The following GTF3C1 variants were observed in gnomAD, a reference collection of about 807,000 sequenced individuals.
GTF3C1 encodes general transcription factor 3C polypeptide 1.
Under a neutral mutation model 226.7 loss-of-function variants are expected in GTF3C1, and 57 were observed. The observed-to-expected ratio is 0.25, with a 90% CI of 0.20 to 0.31. GTF3C1 has a LOEUF of 0.31. Among genes scored for constraint, GTF3C1 ranks in the 10% least tolerant of loss-of-function variants. The probability of loss-of-function intolerance (pLI) is 1.00; values close to 1 mark genes in which losing one functional copy is unlikely to be tolerated. For synonymous variants in GTF3C1, 1,090 were observed against 1,084.8 expected (o/e 1.00, Z -0.09); for missense variants, 2,217 against 2,776.1 (o/e 0.80, Z 4.53).
chr16:27,488,655 C>T lies in GTF3C1; in HGVS notation c.3430-20G>A, dbSNP rs369968877. The T allele has an allele frequency of 1.3e-6, 2 of 1,587,476 alleles. No individual in the cohort carries two copies. Among genetic ancestry groups the T allele is most frequent in the Non-Finnish European group, 1.7e-6 (2 of 1,158,464 alleles). ...GTTCTCCTGTGAGACAAGCACAGCA[C>T]TGGGATGAAGCATGAGCTTCCACAA... On this transcript the variant is annotated intron_variant, in intron 21 of 36. Coordinates refer to ENST00000356183, the MANE Select transcript of GTF3C1 (RefSeq NM_001520.4).
At chr16:27,526,949 T>G (rs186277996) in intron 6 of GTF3C1, among the ~76,000 whole-genome samples, 2 of 152,350 alleles carry the variant, frequency 1.3e-5, no homozygotes, top group African/African-American at 4.8e-5. Flanking sequence ...CTCACGCCTA[T>G]AATCCCAGCA....
In GTF3C1 at chr16:27,481,084, G is replaced by A. The variant is rs752121848; in HGVS notation, c.4191C>T (p.Phe1397=). 8 of 1,613,772 alleles carry A rather than the reference G, an allele frequency of 5.0e-6. No individual in the cohort carries two copies. The highest frequency in any genetic ancestry group is 4.5e-5 in the East Asian group (2 of 44,884). ...CCATCCCAGAAACGGCTTACCTGGC[G>A]AACAGCTCCTGGAGTGTGTCTGGGA... is the stretch of plus-strand genomic sequence containing the variant. The part of the protein sequence containing the change: ...LEIPDTLQEL[F]ARYRVLAIGD... The change falls in exon 27 of 37, where the codon TTC becomes TTT. Residue 1397 remains phenylalanine, a synonymous_variant. Coordinates refer to ENST00000356183, the MANE Select transcript of GTF3C1 (RefSeq NM_001520.4).
intron 4 of GTF3C1, among the ~76,000 whole-genome samples, chr16:27,535,674 G>A (rs1043770923): frequency 6.6e-6 from 1 of 151,522 alleles, no homozygotes; most frequent in Non-Finnish European, 1.5e-5. Flanking sequence ...GATCTCTTCT[G>A]AGGTCGGGAG....
rs1265785215 is a variant in GTF3C1, at chr16:27,506,871, G to A, written c.1528C>T (p.Pro510Ser). ...ASANLRPKTQPHHSTPTKGGW... is the reference protein window; with the variant it reads ...ASANLRPKTQSHHSTPTKGGW... ...CCCTTGGTTGGGGTGGAGTGATGAG[G>A]CTGGGTCTTGGGCCGGAGGTTTGCA... Residue 510 changes from proline to serine, a missense_variant, in exon 9 of 37, where the codon CCT becomes TCT. Transcript: ENST00000356183. The A allele has an allele frequency of 1.2e-6, 2 of 1,611,768 alleles. No individual in the cohort carries two copies. The highest frequency in any genetic ancestry group is 1.7e-6 in the Non-Finnish European group (2 of 1,179,414).
Position 27,486,090 on chromosome 16 carries a change from C to T in GTF3C1, c.3765G>A (p.Leu1255=), listed in dbSNP as rs772283340. The change falls in exon 24 of 37, where the codon CTG becomes CTA. Residue 1255 remains leucine, a synonymous_variant. Coordinates refer to ENST00000356183, the MANE Select transcript of GTF3C1 (RefSeq NM_001520.4). ...RYHDEADQSA[L]QRMTRLRVTW... is the part of the protein sequence containing the mutation. Reference sequence around the variant, plus strand: ...TGACACGAAGCCGCGTCATCCGCTGCAGGGCACTCTGGTCGGCTTCATCAT... The same window carrying T: ...TGACACGAAGCCGCGTCATCCGCTGTAGGGCACTCTGGTCGGCTTCATCAT... The T allele has an allele frequency of 6.2e-7, 1 of 1,607,350 alleles. No homozygotes were observed. Among genetic ancestry groups the T allele is most frequent in the Non-Finnish European group, 8.5e-7 (1 of 1,173,918 alleles).
chr16:27,462,547 A>G lies in GTF3C1; in HGVS notation c.5925-61T>C. The G allele has an allele frequency of 1.5e-6, 2 of 1,325,758 alleles. No homozygotes were observed. Among genetic ancestry groups the G allele is most frequent in the Non-Finnish European group, 2.1e-6 (2 of 931,174 alleles). The allele number at this position is 1,325,758 out of a possible 1,614,324, so 82.1% of individuals were successfully genotyped here. On this transcript the variant is annotated intron_variant, in intron 35 of 36. Coordinates refer to ENST00000356183, the MANE Select transcript of GTF3C1 (RefSeq NM_001520.4). This position sits in a 1 kb window ranked among gnomAD's most constrained non-coding sequence, Gnocchi z 4.5. ...GGGCAGGAGGGCAGCTCGTCCAGAC[A>G]GAACACTGAGGCTCAGGGGCGTCCT...
At position 27,510,318 on chromosome 16, in the gene GTF3C1, G is replaced by A. The variant is rs373062814; in HGVS notation, c.1126+1431C>T. Among the ~76,000 whole-genome samples, 90 of 152,096 alleles carry A rather than the reference G, an allele frequency of 5.9e-4. No homozygotes were observed. The Middle Eastern group carries it at 0.017, about 29-fold the overall frequency. On this transcript the variant is annotated intron_variant, in intron 7 of 36. Transcript: ENST00000356183. ...GGAGAATGGCGTGAACCCAGGAGGC[G>A]GAGCTTGCAGTGAGCCAAGATCGCA...
intron 6 of GTF3C1, among the ~76,000 whole-genome samples, chr16:27,525,657 C>T (rs942836031): frequency 6.6e-6 from 1 of 152,216 alleles, no homozygotes; most frequent in African/African-American, 2.4e-5. Flanking sequence ...GCCTGCCTAC[C>T]TTCTGCAGGG....
intron 6 of GTF3C1, among the ~76,000 whole-genome samples, chr16:27,513,363 A>C (rs2088606383): frequency 1.3e-5 from 2 of 152,184 alleles, no homozygotes; most frequent in Non-Finnish European, 2.9e-5. Context: ...CTGAAGTGAG[A>C]GGATTGCTTG....
At position 27,514,991 on chromosome 16, in the gene GTF3C1, C is replaced by T. The variant is rs60724546; in HGVS notation, c.974-3090G>A. On this transcript the variant is annotated intron_variant, in intron 6 of 36. Transcript: ENST00000356183. ...GAGGCGCCCTCAGCCAGTGGCCCAG[C>T]GCTATTTCTTCTCCTTTTAAGCTTC... Among the ~76,000 whole-genome samples, 251 of 152,292 alleles carry T rather than the reference C, an allele frequency of 1.6e-3. 1 individual carries two copies. Among genetic ancestry groups the T allele is most frequent in the African/African-American group, 5.7e-3 (235 of 41,550 alleles).
intron 27 of GTF3C1, chr16:27,480,757 T>C: frequency 3.4e-6 from 1 of 291,434 alleles, no homozygotes; most frequent in Non-Finnish European, 6.5e-6. Flanking sequence ...GCCCTGGTAC[T>C]TACAAGCACT....
intron 6 of GTF3C1, among the ~76,000 whole-genome samples, chr16:27,519,519 C>T (rs2088713032): frequency 6.6e-6 from 1 of 152,160 alleles, no homozygotes; most frequent in South Asian, 2.1e-4. Context: ...CAAGCACTCA[C>T]CTACCCAACT....
rs76121489 is a variant in GTF3C1, at chr16:27,495,273, G to A, written c.2570C>T (p.Pro857Leu). 7.1e-4 allele frequency: 1,138 copies of A among 1,613,318 alleles called. 16 individuals are homozygous for A. In the East Asian group the frequency reaches 0.022, roughly 31 times the overall value. ...GACACCATCTTGGCTGCCTTTAGAT[G>A]GGGCTTCAGAGCAGGCCTCCCAGGC... ...GSAWEACSEA[P>L]SKGSQDGVTW... Residue 857 changes from proline to leucine, a missense_variant, in exon 15 of 37, where the codon CCA (proline) becomes CTA (leucine). Physicochemically the swap from Pro to Leu is moderately conservative, Grantham distance 98. Coordinates refer to ENST00000356183, the MANE Select transcript of GTF3C1 (RefSeq NM_001520.4).
In GTF3C1 at chr16:27,549,844, A is replaced by G. The variant is rs1257278703; in HGVS notation, c.47T>C (p.Leu16Pro). 3.7e-6 allele frequency: 6 copies of G among 1,613,034 alleles called. No homozygotes were observed. The highest frequency in any genetic ancestry group is 5.1e-6 in the Non-Finnish European group (6 of 1,179,818). ...CAGCGCTGGCAGACACAGGCCATCG[A>G]GCCCCTCCAGAGCGACTTCGTCCAA... Reference protein sequence around the residue: ...SLLDEVALEGLDGLCLPALWS... With the variant: ...SLLDEVALEGPDGLCLPALWS... The change falls in exon 1 of 37, where the codon CTC becomes CCC. Residue 16 changes from leucine (L) to proline (P), a missense_variant. Transcript: ENST00000356183.
In GTF3C1 at chr16:27,493,270, G is replaced by A. The variant is rs758426371; in HGVS notation, c.2805C>T (p.Asn935=). 1.2e-5 allele frequency: 20 copies of A among 1,608,416 alleles called. No individual in the cohort carries two copies. The highest frequency in any genetic ancestry group is 1.2e-4 in the Admixed American group (7 of 60,000). ...TCAGCGTGTGCTTCTTCAGCGGGTC[G>A]TTCAGAAATTCCTCCAGGTTGTCCA... ...YKVDNLEEFL[N]DPLKKHTLIR... Residue 935 remains asparagine (N), a synonymous_variant, in exon 17 of 37, where the codon AAC becomes AAT. Coordinates refer to ENST00000356183, the MANE Select transcript of GTF3C1 (RefSeq NM_001520.4).
chr16:27,496,549 A>G (rs1322540004), intron 14 of GTF3C1, among the ~76,000 whole-genome samples: 1 of 152,118 alleles, frequency 6.6e-6, no homozygotes, highest in Non-Finnish European at 1.5e-5. Context: ...AGTGGCTGGG[A>G]CTGTAGGCAC....
At position 27,506,967 on chromosome 16, in the gene GTF3C1, A is replaced by G; in HGVS notation, c.1432T>C (p.Ser478Pro). 6.2e-7 allele frequency: 1 copy of G among 1,611,556 alleles called. No homozygotes were observed. The highest frequency in any genetic ancestry group is 8.5e-7 in the Non-Finnish European group (1 of 1,179,098). Residue 478 changes from serine to proline, a missense_variant, in exon 9 of 37, where the codon TCG (serine) becomes CCG (proline). Physicochemically the swap from Ser to Pro is moderately conservative, Grantham distance 74. This residue lies in a region of GTF3C1 where 173 missense variants were observed against 207.2 expected (regional missense o/e 0.83). Coordinates refer to ENST00000356183, the MANE Select transcript of GTF3C1 (RefSeq NM_001520.4). ...CTGCTCCTCTCCTCCTCACTGTCCG[A>G]CTCAGAGAGGAAGGTGTCCTCGCCT... ...PEGEDTFLSESDSEEERSSSK... is the reference protein window; with the variant it reads ...PEGEDTFLSEPDSEEERSSSK...
rs2087868925 is a variant in GTF3C1 at position 27,471,495 on chromosome 16, C to T, written c.4526+253G>A. The T allele has an allele frequency of 6.3e-6, 3 of 476,074 alleles. No individual in the cohort carries two copies. Among genetic ancestry groups the T allele is most frequent in the East Asian group, 7.1e-5 (2 of 28,054 alleles). 29.5% of individuals were successfully genotyped at this position (476,074 alleles called of 1,614,324 possible). A position where few individuals can be genotyped will look rare whatever the true frequency, so the allele number is the denominator to read the frequency against. ...TGCAAACTGATTTCACTCCATCTGACGAGAGAAACGGAAACAAACCACCTG... is the reference window on the plus strand; with the variant it reads ...TGCAAACTGATTTCACTCCATCTGATGAGAGAAACGGAAACAAACCACCTG... On this transcript the variant is annotated intron_variant, in intron 30 of 36. Transcript: ENST00000356183. The surrounding 1 kb of genome is among the most constrained non-coding windows in gnomAD (Gnocchi z 5.0).
chr16:27,506,095 A>G lies in GTF3C1; in HGVS notation c.1574T>C (p.Leu525Pro). Residue 525 changes from leucine (L) to proline (P), a missense_variant, in exon 10 of 37, where the codon CTA (leucine) becomes CCA (proline). Leu to Pro is a moderately conservative substitution (Grantham distance 98, BLOSUM62 -3). This residue lies in a region of GTF3C1 where 173 missense variants were observed against 207.2 expected (regional missense o/e 0.83). Transcript: ENST00000356183. ...PTKGGWKVVN[L>P]HPLKKQPPSF... ...GGGCGGCTGCTTTTTCAATGGGTGT[A>G]GGTTTACAACTTTCCACCCACCTGT... is the stretch of plus-strand genomic sequence containing the variant. 5.0e-6 allele frequency: 8 copies of G among 1,611,304 alleles called. No individual in the cohort carries two copies. Among genetic ancestry groups the G allele is most frequent in the Non-Finnish European group, 6.8e-6 (8 of 1,177,434 alleles).
Sources: gnomAD v4.1 joint callset for allele counts (sites outside exome capture counted in the v4.1 genomes callset) on GRCh38, gnomAD v4.1.1 for gene constraint, gnomAD v4.1.1 regional missense constraint, Gnocchi (gnomAD v3.1) non-coding constraint, MANE v1.5 for transcripts, NCBI Gene and HGNC (gene_info 2026-07-23, HGNC 2026-07-21) for gene names.